Variants in GPR63 observed in about 807,000 individuals in gnomAD.
GPR63 encodes the protein probable G protein-coupled receptor 63.
In GPR63, 12 loss-of-function variants were observed where a neutral mutation model predicts 23.1. That is an observed-to-expected ratio of 0.52 (90% confidence interval 0.33 to 0.84). GPR63 has a LOEUF of 0.84. Ranked by LOEUF, GPR63 falls within the 40% of genes least tolerant of loss-of-function variation. The pLI, the probability that GPR63 is intolerant of heterozygous loss-of-function variation, is 0.02. For missense variants in GPR63, 472 were observed against 515.6 expected, an observed-to-expected ratio of 0.92 and a Z score of 0.82; for synonymous variants, 172 against 191.1, an observed-to-expected ratio of 0.90 and a Z score of 0.82.
chr6:96,814,170 A>G (rs756697296), intron 1 of GPR63, among the ~76,000 whole-genome samples: 2 of 151,766 alleles, frequency 1.3e-5, no homozygotes, highest in Non-Finnish European at 2.9e-5. Context: ...ATAAAACCTT[A>G]AGTTTTCAAG....
At chr6:96,825,308 G>A (rs981167877) in intron 1 of GPR63, among the ~76,000 whole-genome samples, 41 of 152,060 alleles carry the variant, frequency 2.7e-4, no homozygotes, top group African/African-American at 8.9e-4. Flanking sequence ...TTATTACACT[G>A]GAATTGAGCA....
chr6:96,798,133 C>T lies in GPR63; in HGVS notation c.*339G>A, dbSNP rs1014249519. On this transcript the variant is annotated 3_prime_UTR_variant, in exon 2 of 2. Transcript: ENST00000229955. Reference sequence around the variant, plus strand: ...CAAATAAGCATACCTTAGCAGCACACGAAACACCTACAATTCAATGTAACT... The same window carrying T: ...CAAATAAGCATACCTTAGCAGCACATGAAACACCTACAATTCAATGTAACT... 6 of 208,004 alleles carry T rather than the reference C, an allele frequency of 2.9e-5. No individual in the cohort carries two copies. The highest frequency in any genetic ancestry group is 4.9e-5 in the Non-Finnish European group (5 of 102,128). The allele number at this position is 208,004 out of a possible 1,614,324, so 12.9% of individuals were successfully genotyped here. A position where few individuals can be genotyped will look rare whatever the true frequency, so the allele number is the denominator to read the frequency against.
chr6:96,802,540 A>ATTT (rs34928062), intron 1 of GPR63, among the ~76,000 whole-genome samples: 32,787 of 136,116 alleles, frequency 0.24, 4,207 homozygotes, highest in South Asian at 0.29. Context: ...ATTTTTTCTA[A>ATTT]TTTTTTTTTT....
intron 1 of GPR63, among the ~76,000 whole-genome samples, chr6:96,807,262 T>C (rs554553038): frequency 1.3e-5 from 2 of 152,346 alleles, no homozygotes; most frequent in East Asian, 1.9e-4. Flanking sequence ...AACATAGCCA[T>C]GGCAGAAGGG....
At position 96,795,628 on chromosome 6, in the gene GPR63, T is replaced by C. The variant is rs1773560978; in HGVS notation, c.*2844A>G. ...CGTCTCGGCAGGCACTCCAGAGCTC[T>C]CACCAAATGAGGCACTGCCTATTAA... On this transcript the variant is annotated 3_prime_UTR_variant, in exon 2 of 2. Coordinates refer to ENST00000229955, the MANE Select transcript of GPR63 (RefSeq NM_030784.4). The C allele has an allele frequency of 6.6e-6, 1 of 152,140 alleles. No individual in the cohort carries two copies. 9.4% of individuals were successfully genotyped at this position (152,140 alleles called of 1,614,324 possible).
rs1215028678 is a variant in GPR63, at chr6:96,797,217, C to G, written c.*1255G>C. On this transcript the variant is annotated 3_prime_UTR_variant, in exon 2 of 2. Coordinates refer to ENST00000229955, the MANE Select transcript of GPR63 (RefSeq NM_030784.4). ...CTGCACTCCAGCCTGGGTGGCAAAGCGAGACTCCAAAAAACAAAAAGTGGT... is the reference window on the plus strand; with the variant it reads ...CTGCACTCCAGCCTGGGTGGCAAAGGGAGACTCCAAAAAACAAAAAGTGGT... The G allele has an allele frequency of 5.3e-5, 8 of 151,724 alleles. No individual in the cohort carries two copies. Among genetic ancestry groups the G allele is most frequent in the African/African-American group, 1.9e-4 (8 of 41,274 alleles). The allele number at this position is 151,724 out of a possible 1,614,324, so 9.4% of individuals were successfully genotyped here.
intron 1 of GPR63, among the ~76,000 whole-genome samples, chr6:96,819,984 A>AAAC (rs1269370709): frequency 1.3e-5 from 2 of 150,528 alleles, no homozygotes; most frequent in Non-Finnish European, 3.0e-5. Context: ...CAAAAAAAAA[A>AAAC]AAAAAAAACA....
chr6:96,794,621 G>T lies in GPR63; in HGVS notation c.*3851C>A, dbSNP rs1290503700. The T allele has an allele frequency of 6.6e-6, 1 of 152,096 alleles. No individual in the cohort carries two copies. The highest frequency in any genetic ancestry group is 2.4e-5 in the African/African-American group (1 of 41,412). The allele number at this position is 152,096 out of a possible 1,614,324, so 9.4% of individuals were successfully genotyped here. ...CAACAGAAATACACATATTAAAAAGGTTATTTTTATTTTACTTCAATGCTT... is the reference window on the plus strand; with the variant it reads ...CAACAGAAATACACATATTAAAAAGTTTATTTTTATTTTACTTCAATGCTT... On this transcript the variant is annotated 3_prime_UTR_variant, in exon 2 of 2. Coordinates refer to ENST00000229955, the MANE Select transcript of GPR63 (RefSeq NM_030784.4).
intron 1 of GPR63, among the ~76,000 whole-genome samples, chr6:96,803,975 T>C (rs1384990905): frequency 1.3e-5 from 2 of 152,062 alleles, no homozygotes; most frequent in East Asian, 3.8e-4. Context: ...TATGCATACA[T>C]AATACACATG....
chr6:96,819,974 C>CA (rs367728329), intron 1 of GPR63, among the ~76,000 whole-genome samples: 4,908 of 85,078 alleles, frequency 0.058, 196 homozygotes, highest in Middle Eastern at 0.12. Flanking sequence ...GACTCTGTCT[C>CA]AAAAAAAAAA....
At chr6:96,817,913 T>C (rs1047048519) in intron 1 of GPR63, among the ~76,000 whole-genome samples, 2 of 151,336 alleles carry the variant, frequency 1.3e-5, no homozygotes, top group Non-Finnish European at 2.9e-5. Flanking sequence ...TGTGCCCGTA[T>C]GATTGGTGCG....
chr6:96,834,512 T>G (rs142212575), intron 1 of GPR63, among the ~76,000 whole-genome samples: 3 of 151,972 alleles, frequency 2.0e-5, no homozygotes. Context: ...AACTCATTCA[T>G]GTGTCTTCAA....
intron 1 of GPR63, among the ~76,000 whole-genome samples, chr6:96,802,798 T>C (rs1239184853): frequency 6.6e-6 from 1 of 151,738 alleles, no homozygotes; most frequent in African/African-American, 2.4e-5. Context: ...AAGCAAATGG[T>C]GTTGTAGTAA....
chr6:96,819,734 A>T (rs187640598), intron 1 of GPR63, among the ~76,000 whole-genome samples: 1 of 151,228 alleles, frequency 6.6e-6, no homozygotes, highest in Non-Finnish European at 1.5e-5. Context: ...CAAAAAAAAA[A>T]CAAAAAAACA....
chr6:96,812,311 C>CA (rs1458001739), intron 1 of GPR63, among the ~76,000 whole-genome samples: 4 of 152,088 alleles, frequency 2.6e-5, no homozygotes, highest in African/African-American at 4.8e-5. Context: ...ATATTCACCA[C>CA]AAAAAAGAAG....
chr6:96,833,049 TAGAC>T (rs143313198), intron 1 of GPR63, among the ~76,000 whole-genome samples: 13,989 of 152,188 alleles, frequency 0.092, 802 homozygotes, highest in Non-Finnish European at 0.13. Context: ...CTGCTAGTGA[TAGAC>T]AGTGTGAAAC....
intron 1 of GPR63, among the ~76,000 whole-genome samples, chr6:96,812,016 T>C (rs1347094638): frequency 1.3e-5 from 2 of 152,134 alleles, no homozygotes; most frequent in Admixed American, 1.3e-4. Context: ...CTGGTTTAAC[T>C]GTAAGTAGAG....
intron 1 of GPR63, among the ~76,000 whole-genome samples, chr6:96,816,295 T>A (rs1392150930): frequency 1.3e-5 from 2 of 152,184 alleles, no homozygotes; most frequent in Non-Finnish European, 2.9e-5. Flanking sequence ...TTAAACAAGA[T>A]GAAAATAATT....
At chr6:96,822,929 T>C (rs1409020530) in intron 1 of GPR63, among the ~76,000 whole-genome samples, 1 of 152,208 alleles carries the variant, frequency 6.6e-6, no homozygotes, top group Non-Finnish European at 1.5e-5. Context: ...AAGATTATAA[T>C]GGAGCTGAAA....
Sources: gnomAD v4.1 joint callset for allele counts (sites outside exome capture counted in the v4.1 genomes callset) on GRCh38, gnomAD v4.1.1 for gene constraint, MANE v1.5 for transcripts, NCBI Gene and HGNC (gene_info 2026-07-23, HGNC 2026-07-21) for gene names.